ST6GALNAC3: variants seen among roughly 807,000 people sequenced by gnomAD.
ST6GALNAC3 encodes the protein alpha-N-acetylgalactosaminide alpha-2,6-sialyltransferase 3.
A neutral mutation model predicts 32.7 loss-of-function variants in ST6GALNAC3; 25 were observed. The ratio of observed to expected loss-of-function variants is 0.76; its 90% confidence interval spans 0.56 to 1.07. The LOEUF is 1.07. Ranked by LOEUF, ST6GALNAC3 falls within the 50% of genes least tolerant of loss-of-function variation. The pLI is 0.00. For missense variants in ST6GALNAC3, 355 were observed against 382.4 expected, an observed-to-expected ratio of 0.93 and a Z score of 0.60; for synonymous variants, 129 against 133.1, an observed-to-expected ratio of 0.97 and a Z score of 0.21.
intron 3 of ST6GALNAC3, among the ~76,000 whole-genome samples, chr1:76,611,164 T>C (rs1435257439): frequency 1.3e-5 from 2 of 152,030 alleles, no homozygotes; most frequent in Non-Finnish European, 2.9e-5. Context: ...CATGGGAACT[T>C]TTTAACCTCT....
chr1:76,157,940 C>A (rs1362918966), intron 1 of ST6GALNAC3, among the ~76,000 whole-genome samples: 1 of 152,206 alleles, frequency 6.6e-6, no homozygotes, highest in Admixed American at 6.5e-5. Context: ...CCTTAGAACT[C>A]ATGATTGCCC....
chr1:76,549,997 A>T (rs549987036), intron 3 of ST6GALNAC3, among the ~76,000 whole-genome samples: 1 of 152,296 alleles, frequency 6.6e-6, no homozygotes, highest in South Asian at 2.1e-4. Flanking sequence ...ATTTGTGTCC[A>T]TTTCCCTTTT....
intron 1 of ST6GALNAC3, among the ~76,000 whole-genome samples, chr1:76,139,211 A>ATAT (rs59114678): frequency 1.3e-5 from 2 of 152,036 alleles, no homozygotes; most frequent in African/African-American, 4.8e-5. Flanking sequence ...AAAAAAAAAA[A>ATAT]AAATCTATGC....
chr1:76,082,364 A>G (rs757978602), intron 1 of ST6GALNAC3, among the ~76,000 whole-genome samples: 9 of 152,310 alleles, frequency 5.9e-5, no homozygotes, highest in African/African-American at 2.2e-4. Context: ...ATTTGCCTCC[A>G]GCCATTCTGA....
chr1:76,489,036 A>T (rs1051334374), intron 3 of ST6GALNAC3, among the ~76,000 whole-genome samples: 2 of 152,164 alleles, frequency 1.3e-5, no homozygotes, highest in Non-Finnish European at 1.5e-5. Flanking sequence ...ACACAGTAAG[A>T]TATGTGAAGA....
chr1:76,091,733 T>C (rs895396332), intron 1 of ST6GALNAC3, among the ~76,000 whole-genome samples: 4 of 152,236 alleles, frequency 2.6e-5, no homozygotes, highest in Admixed American at 2.6e-4. Context: ...AGCACAGTAA[T>C]GTGCTGTATG....
At chr1:76,508,709 G>T (rs1661640747) in intron 3 of ST6GALNAC3, among the ~76,000 whole-genome samples, 1 of 152,070 alleles carries the variant, frequency 6.6e-6, no homozygotes, top group African/African-American at 2.4e-5. Flanking sequence ...AGGTTTCTAG[G>T]TGATCATCAG....
chr1:76,307,655 A>G (rs1315152780), intron 1 of ST6GALNAC3, among the ~76,000 whole-genome samples: 1 of 152,198 alleles, frequency 6.6e-6, no homozygotes, highest in Non-Finnish European at 1.5e-5. Context: ...ATAGTTAAAT[A>G]AAAAACACAA....
chr1:76,448,040 CCA>C (rs1283894164), intron 3 of ST6GALNAC3, among the ~76,000 whole-genome samples: 1 of 152,148 alleles, frequency 6.6e-6, no homozygotes, highest in East Asian at 1.9e-4. Flanking sequence ...CCTTGAAAAA[CCA>C]CAGACACTCA....
intron 1 of ST6GALNAC3, among the ~76,000 whole-genome samples, chr1:76,145,573 G>T (rs1180176858): frequency 6.6e-6 from 1 of 152,154 alleles, no homozygotes; most frequent in Non-Finnish European, 1.5e-5. Context: ...CAGATGTGTT[G>T]TTCTTTTTCA....
intron 3 of ST6GALNAC3, among the ~76,000 whole-genome samples, chr1:76,521,277 A>G: frequency 6.7e-6 from 1 of 149,692 alleles, no homozygotes; most frequent in Non-Finnish European, 1.5e-5. Flanking sequence ...TGCCATATAT[A>G]TACAGACATA....
At chr1:76,479,835 A>T (rs1233647596) in intron 3 of ST6GALNAC3, among the ~76,000 whole-genome samples, 1 of 152,218 alleles carries the variant, frequency 6.6e-6, no homozygotes, top group African/African-American at 2.4e-5. Flanking sequence ...CCTACACATT[A>T]CAAATTTACA....
intron 3 of ST6GALNAC3, among the ~76,000 whole-genome samples, chr1:76,570,526 T>C (rs1272181558): frequency 6.6e-6 from 1 of 152,112 alleles, no homozygotes; most frequent in Non-Finnish European, 1.5e-5. Flanking sequence ...CATAGGAAAC[T>C]ACTTAAAAGA....
At chr1:76,521,545 A>G (rs569161174) in intron 3 of ST6GALNAC3, among the ~76,000 whole-genome samples, 1 of 152,124 alleles carries the variant, frequency 6.6e-6, no homozygotes, top group African/African-American at 2.4e-5. Context: ...TTACCCAAGT[A>G]TTTATCTTTG....
chr1:76,459,574 A>T (rs1290362503), intron 3 of ST6GALNAC3, among the ~76,000 whole-genome samples: 1 of 152,118 alleles, frequency 6.6e-6, no homozygotes, highest in African/African-American at 2.4e-5. Flanking sequence ...AAAAAAAAAA[A>T]AAAAGAATAG....
At chr1:76,246,445 T>C (rs186675001) in intron 1 of ST6GALNAC3, among the ~76,000 whole-genome samples, 2 of 152,352 alleles carry the variant, frequency 1.3e-5, no homozygotes, top group Admixed American at 1.3e-4. Context: ...AATTTGATCC[T>C]GTCATCTTGA....
chr1:76,308,578 T>A (rs1661206786), intron 1 of ST6GALNAC3, among the ~76,000 whole-genome samples: 1 of 152,134 alleles, frequency 6.6e-6, no homozygotes, highest in Admixed American at 6.6e-5. Context: ...GTAGAACACA[T>A]GTGTAAACAG....
chr1:76,522,619 T>TC (rs1454578706), intron 3 of ST6GALNAC3, among the ~76,000 whole-genome samples: 1 of 152,192 alleles, frequency 6.6e-6, no homozygotes, highest in Non-Finnish European at 1.5e-5. Context: ...AGAAATCCCA[T>TC]CTCATTATTT....
At chr1:76,592,478 A>G in intron 3 of ST6GALNAC3, among the ~76,000 whole-genome samples, 1 of 152,168 alleles carries the variant, frequency 6.6e-6, no homozygotes, top group Non-Finnish European at 1.5e-5. Context: ...GATAAGGTGC[A>G]TGGGTGTATG....
Sources: gnomAD v4.1 joint callset for allele counts (sites outside exome capture counted in the v4.1 genomes callset) on GRCh38, gnomAD v4.1.1 for gene constraint, MANE v1.5 for transcripts, NCBI Gene and HGNC (gene_info 2026-07-23, HGNC 2026-07-21) for gene names.